Variants in FSIP2 observed in about 807,000 individuals in gnomAD.
FSIP2 encodes fibrous sheath interacting protein 2, also known as fibrous sheath-interacting protein 2.
In FSIP2, 367 loss-of-function variants were observed where a neutral mutation model predicts 510.5. The observed-to-expected ratio is 0.72, with a 90% CI of 0.66 to 0.78. The LOEUF is 0.78. Among genes scored for constraint, FSIP2 ranks in the 30% least tolerant of loss-of-function variants. The probability of loss-of-function intolerance (pLI) is 0.00; values close to 1 mark genes in which losing one functional copy is unlikely to be tolerated. For synonymous variants in FSIP2, 2,601 were observed against 2,732.2 expected, an observed-to-expected ratio of 0.95 and a Z score of 1.50; for missense variants, 7,594 against 7,901.7, an observed-to-expected ratio of 0.96 and a Z score of 1.48.
intron 2 of FSIP2, among the ~76,000 whole-genome samples, chr2:185,741,214 G>C (rs1304265094): frequency 6.6e-6 from 1 of 151,992 alleles, no homozygotes; most frequent in Non-Finnish European, 1.5e-5. Flanking sequence ...TAATTCACTT[G>C]TCTACTACTT....
Position 185,803,804 on chromosome 2 carries a change from T to C in FSIP2, c.14498T>C (p.Ile4833Thr). The change falls in exon 17 of 23, where the codon ATT (isoleucine) becomes ACT (threonine). Residue 4833 changes from isoleucine to threonine, a missense_variant. Transcript: ENST00000424728. ...ACAGTGATAAAACTGATAAATGAAA[T>C]TATGTCAATAATTTCAAAACATGAA... ...SNTVIKLINE[I>T]MSIISKHEIC... is the part of the protein sequence containing the mutation. 1.3e-6 allele frequency: 2 copies of C among 1,512,950 alleles called. No homozygotes were observed. The allele number at this position is 1,512,950 out of a possible 1,614,324, so 93.7% of individuals were successfully genotyped here. A position where few individuals can be genotyped will look rare whatever the true frequency, so the allele number is the denominator to read the frequency against.
Position 185,800,045 on chromosome 2 carries a change from A to G in FSIP2, c.10739A>G (p.Gln3580Arg). Reference protein sequence around the residue: ...NNKIIQADIAQKMVAIPTKYT... With the variant: ...NNKIIQADIARKMVAIPTKYT... ...AAAATTATACAGGCTGACATTGCACAGAAAATGGTTGCCATACCTACAAAA... is the reference window on the plus strand; with the variant it reads ...AAAATTATACAGGCTGACATTGCACGGAAAATGGTTGCCATACCTACAAAA... Residue 3580 changes from glutamine (Q) to arginine (R), a missense_variant, in exon 17 of 23, where the codon CAG becomes CGG. Coordinates refer to ENST00000424728, the MANE Select transcript of FSIP2 (RefSeq NM_173651.4). 6.5e-7 allele frequency: 1 copy of G among 1,529,260 alleles called. No individual in the cohort carries two copies. Among genetic ancestry groups the G allele is most frequent in the Non-Finnish European group, 8.8e-7 (1 of 1,142,116 alleles). The allele number at this position is 1,529,260 out of a possible 1,614,324, so 94.7% of individuals were successfully genotyped here.
In FSIP2 at chr2:185,781,533, C is replaced by G. The variant is rs947761521; in HGVS notation, c.1412-1172C>G. On this transcript the variant is annotated intron_variant, in intron 13 of 22. Coordinates refer to ENST00000424728, the MANE Select transcript of FSIP2 (RefSeq NM_173651.4). ...TTTAATTCTCCATCTTTTGGGGGGG[C>G]CCAATGTCTTGTTTTAAATGCTCTG... Among the ~76,000 whole-genome samples the G allele has an allele frequency of 5.9e-5, 9 of 152,136 alleles. No individual in the cohort carries two copies. In the East Asian group the frequency reaches 1.4e-3, roughly 23 times the overall value.
chr2:185,811,982 CTT>C (rs1216242450), intron 17 of FSIP2, among the ~76,000 whole-genome samples: 13 of 152,094 alleles, frequency 8.5e-5, no homozygotes, highest in Non-Finnish European at 1.5e-4. Flanking sequence ...TTACAGAGAA[CTT>C]CTACCGGTAA....
intron 22 of FSIP2, among the ~76,000 whole-genome samples, chr2:185,832,109 A>G (rs1316513763): frequency 6.6e-6 from 1 of 151,934 alleles, no homozygotes; most frequent in African/African-American, 2.4e-5. Flanking sequence ...TAACTAAAAT[A>G]TATCAGGCAT....
chr2:185,831,531 C>A (rs12612968), intron 21 of FSIP2, among the ~76,000 whole-genome samples: 1 of 151,850 alleles, frequency 6.6e-6, no homozygotes, highest in Non-Finnish European at 1.5e-5. Flanking sequence ...AGACAGAGCT[C>A]AGATTTTTCA....
At chr2:185,767,516 A>T (rs1692513945) in intron 13 of FSIP2, among the ~76,000 whole-genome samples, 1 of 152,076 alleles carries the variant, frequency 6.6e-6, no homozygotes, top group South Asian at 2.1e-4. Context: ...ATTTTTATAT[A>T]ACACATATAA....
Position 185,805,155 on chromosome 2 carries a change from C to A in FSIP2, c.15849C>A (p.Asp5283Glu). 6.2e-7 allele frequency: 1 copy of A among 1,609,784 alleles called. No homozygotes were observed. Among genetic ancestry groups the A allele is most frequent in the Non-Finnish European group, 8.5e-7 (1 of 1,177,614 alleles). Residue 5283 changes from aspartate (D) to glutamate (E), a missense_variant, in exon 17 of 23, where the codon GAC becomes GAA. By Grantham distance (45) the Asp-to-Glu change is conservative. Transcript: ENST00000424728. ...SATFLEDIIIDLVHKFCSLLI... is the reference protein window; with the variant it reads ...SATFLEDIIIELVHKFCSLLI... The stretch of plus-strand genomic sequence containing the variant: ...CATTTTTGGAAGACATAATCATTGA[C>A]CTTGTTCACAAATTTTGTTCTCTCC...
rs1281550559 is a variant in FSIP2, at chr2:185,789,601, A to T, written c.2465A>T (p.Asp822Val). ...TLDPMCDIAE[D>V]MVHAILEKLM... ...GACCCAATGTGTGATATTGCAGAGG[A>T]CATGGTGCATGCCATTTTAGAAAAG... Residue 822 changes from aspartate (D) to valine (V), a missense_variant, in exon 16 of 23, where the codon GAC (aspartate) becomes GTC (valine). Coordinates refer to ENST00000424728, the MANE Select transcript of FSIP2 (RefSeq NM_173651.4). 1 of 1,534,906 alleles carries T rather than the reference A, an allele frequency of 6.5e-7. No individual in the cohort carries two copies. The highest frequency in any genetic ancestry group is 1.4e-5 in the African/African-American group (1 of 73,068).
chr2:185,739,320 CAA>C (rs1315254994), intron 1 of FSIP2, 24 bp from the exon 2 acceptor site: 1 of 1,507,166 alleles, frequency 6.6e-7, no homozygotes, highest in African/African-American at 1.4e-5. Context: ...AAAGGAAAGA[CAA>C]AACTCTCCAA....
At chr2:185,780,611 T>A (rs1395291821) in intron 13 of FSIP2, among the ~76,000 whole-genome samples, 1 of 151,926 alleles carries the variant, frequency 6.6e-6, no homozygotes. Context: ...ATTTGCTATT[T>A]TATGTTTGCT....
At position 185,746,610 on chromosome 2, in the gene FSIP2, G is replaced by T. The variant is rs1166115513; in HGVS notation, c.618-59G>T. 3 of 1,305,870 alleles carry T rather than the reference G, an allele frequency of 2.3e-6. No individual in the cohort carries two copies. The African/African-American group carries it at 4.5e-5, about 19-fold the overall frequency. The allele number at this position is 1,305,870 out of a possible 1,614,324, so 80.9% of individuals were successfully genotyped here. A position where few individuals can be genotyped will look rare whatever the true frequency, so the allele number is the denominator to read the frequency against. ...GTGGTTTGGGAATGGCATAGCAGATGATGCCATCATAAAAGAAACAGCCAA... is the reference window on the plus strand; with the variant it reads ...GTGGTTTGGGAATGGCATAGCAGATTATGCCATCATAAAAGAAACAGCCAA... On this transcript the variant is annotated intron_variant, in intron 5 of 22. Transcript: ENST00000424728.
chr2:185,805,377 A>C lies in FSIP2; in HGVS notation c.16071A>C (p.Glu5357Asp), dbSNP rs7576532. The C allele has an allele frequency of 0.99, 1,581,065 of 1,599,508 alleles. 781,900 individuals carry two copies. The highest frequency in any genetic ancestry group is 1 in the Non-Finnish European group (1,172,599 of 1,174,140). The change falls in exon 17 of 23, where the codon GAA (glutamate) becomes GAC (aspartate). Residue 5357 changes from glutamate (E) to aspartate (D), a missense_variant. Transcript: ENST00000424728. ...ATAAAATATCCAATTTTGTATATGA[A>C]CAGTTCATAGAAAAATGCACATCTC... ...TVDKISNFVY[E>D]QFIEKCTSHD...
chr2:185,786,400 T>A (rs1692978799), intron 15 of FSIP2, 112 bp downstream of exon 15: 4 of 698,862 alleles, frequency 5.7e-6, no homozygotes, highest in Non-Finnish European at 9.4e-6. Context: ...TTGATATTTG[T>A]TAGGCTTCCT....
chr2:185,804,940 G>A lies in FSIP2; in HGVS notation c.15634G>A (p.Ala5212Thr). Residue 5212 changes from alanine to threonine, a missense_variant, in exon 17 of 23, where the codon GCA becomes ACA. Physicochemically the swap from Ala to Thr is moderately conservative, Grantham distance 58. Coordinates refer to ENST00000424728, the MANE Select transcript of FSIP2 (RefSeq NM_173651.4). The stretch of plus-strand genomic sequence containing the variant: ...ATTCCAAGCTGAAGTACAAAAAGAT[G>A]CAGACAAAAAAGGATGCTCATTCCT... Reference protein sequence around the residue: ...SEFQAEVQKDADKKGCSFLSK... With the variant: ...SEFQAEVQKDTDKKGCSFLSK... The A allele has an allele frequency of 6.5e-7, 1 of 1,528,626 alleles. No individual in the cohort carries two copies. The highest frequency in any genetic ancestry group is 2.0e-5 in the Admixed American group (1 of 49,052). 94.7% of individuals were successfully genotyped at this position (1,528,626 alleles called of 1,614,324 possible). A position where few individuals can be genotyped will look rare whatever the true frequency, so the allele number is the denominator to read the frequency against.
intron 13 of FSIP2, among the ~76,000 whole-genome samples, chr2:185,774,038 G>A (rs1559019218): frequency 6.6e-6 from 1 of 152,126 alleles, no homozygotes; most frequent in Non-Finnish European, 1.5e-5. Flanking sequence ...TGTAAGATGT[G>A]CTAGACATTC....
chr2:185,741,847 C>A (rs1691930059), intron 2 of FSIP2, among the ~76,000 whole-genome samples: 1 of 152,180 alleles, frequency 6.6e-6, no homozygotes, highest in Non-Finnish European at 1.5e-5. Flanking sequence ...ATATGCAAAG[C>A]ATTCTCCTAC....
At chr2:185,749,002 G>C (rs184439644) in intron 7 of FSIP2, among the ~76,000 whole-genome samples, 34 of 152,038 alleles carry the variant, frequency 2.2e-4, no homozygotes, top group Non-Finnish European at 4.3e-4. Flanking sequence ...TATTTGTATG[G>C]ATCTATTTTT....
chr2:185,766,508 G>A (rs1692485340), intron 13 of FSIP2: 1 of 147,202 alleles, frequency 6.8e-6, no homozygotes, highest in Non-Finnish European at 1.5e-5. Context: ...GTGGGTGAAG[G>A]ACATGAACAG....
Sources: gnomAD v4.1 joint callset for allele counts (sites outside exome capture counted in the v4.1 genomes callset) on GRCh38, gnomAD v4.1.1 for gene constraint, MANE v1.5 for transcripts, NCBI Gene and HGNC (gene_info 2026-07-23, HGNC 2026-07-21) for gene names.